SCTR: variants seen among roughly 807,000 people sequenced by gnomAD.
SCTR encodes secretin receptor, also known as pancreatic secretin receptor.
A neutral mutation model predicts 60.8 loss-of-function variants in SCTR; 56 were observed. That is an observed-to-expected ratio of 0.92 (90% CI 0.74 to 1.15). The LOEUF is 1.15. Ranked by LOEUF, SCTR falls within the 50% of genes most tolerant of loss-of-function variation. SCTR has a pLI of 0.00. For synonymous variants in SCTR, 202 were observed against 217.0 expected (o/e 0.93, Z 0.61); for missense variants, 562 against 550.4 (o/e 1.02, Z -0.21).
intron 4 of SCTR, among the ~76,000 whole-genome samples, chr2:119,471,334 T>A (rs1253924129): frequency 6.8e-6 from 1 of 147,274 alleles, no homozygotes; most frequent in South Asian, 2.1e-4. Context: ...ATGATAGAAC[T>A]GTTCCTCTGC....
chr2:119,515,677 G>C (rs1558883887), intron 1 of SCTR, among the ~76,000 whole-genome samples: 1 of 152,098 alleles, frequency 6.6e-6, no homozygotes, highest in Non-Finnish European at 1.5e-5. Flanking sequence ...TTGCACAAGT[G>C]GTCCCCCCAT....
At chr2:119,483,031 A>ATTCAG (rs1489026397) in intron 2 of SCTR, among the ~76,000 whole-genome samples, 1 of 152,212 alleles carries the variant, frequency 6.6e-6, no homozygotes, top group Non-Finnish European at 1.5e-5. Flanking sequence ...GGAAAAACAG[A>ATTCAG]TTCAGTGCTG....
At chr2:119,462,695 C>T (rs1360845522) in intron 6 of SCTR, among the ~76,000 whole-genome samples, 1 of 152,232 alleles carries the variant, frequency 6.6e-6, no homozygotes, top group East Asian at 1.9e-4. Context: ...TTGTCCTTTT[C>T]TTTGCATTGG....
chr2:119,447,861 C>T (rs1229888328), intron 10 of SCTR, among the ~76,000 whole-genome samples: 1 of 152,200 alleles, frequency 6.6e-6, no homozygotes. Flanking sequence ...TGTGAGCCAC[C>T]GCGCCTGGAT....
chr2:119,451,091 G>A (rs1683147586), intron 9 of SCTR, among the ~76,000 whole-genome samples: 1 of 152,222 alleles, frequency 6.6e-6, no homozygotes, highest in South Asian at 2.1e-4. Context: ...ATGCCACCCA[G>A]GCAGCTACTG....
chr2:119,447,908 A>G (rs1682994529), intron 10 of SCTR, among the ~76,000 whole-genome samples: 1 of 152,200 alleles, frequency 6.6e-6, no homozygotes, highest in Admixed American at 6.5e-5. Flanking sequence ...GGGCTGAATT[A>G]TGTCCACACC....
intron 11 of SCTR, among the ~76,000 whole-genome samples, chr2:119,445,092 G>A (rs1426407421): frequency 6.6e-6 from 1 of 151,762 alleles, no homozygotes; most frequent in Admixed American, 6.6e-5. Context: ...CTCTTGGCAA[G>A]ACATTTTCCT....
chr2:119,503,158 C>CAAAAA (rs61479294), intron 1 of SCTR, among the ~76,000 whole-genome samples: 2 of 69,574 alleles, frequency 2.9e-5, no homozygotes, highest in African/African-American at 4.5e-5. Flanking sequence ...GACTCCATCT[C>CAAAAA]AAAAAAAAAA....
intron 10 of SCTR, among the ~76,000 whole-genome samples, chr2:119,447,764 G>C (rs1285029380): frequency 6.6e-6 from 1 of 152,132 alleles, no homozygotes; most frequent in Non-Finnish European, 1.5e-5. Context: ...CAAAGACGAG[G>C]TTTCACCATC....
At chr2:119,501,144 C>T (rs1678536273) in intron 1 of SCTR, among the ~76,000 whole-genome samples, 1 of 152,226 alleles carries the variant, frequency 6.6e-6, no homozygotes, top group African/African-American at 2.4e-5. Context: ...GGCATCGTGG[C>T]TCATGCCTGT....
intron 11 of SCTR, among the ~76,000 whole-genome samples, chr2:119,443,002 G>A (rs901344535): frequency 6.6e-6 from 1 of 152,152 alleles, no homozygotes; most frequent in Non-Finnish European, 1.5e-5. Flanking sequence ...CCTCACAAGC[G>A]AGGGAACTGA....
intron 2 of SCTR, chr2:119,479,195 A>G (rs1487508987): frequency 2.9e-6 from 3 of 1,024,638 alleles, no homozygotes; most frequent in Non-Finnish European, 3.6e-6. Context: ...GCCCTCTCCT[A>G]TAAGCTTTGC....
chr2:119,448,360 G>A (rs557854124), intron 10 of SCTR, among the ~76,000 whole-genome samples: 1 of 152,304 alleles, frequency 6.6e-6, no homozygotes, highest in South Asian at 2.1e-4. Flanking sequence ...ATCCTCCTCT[G>A]AAAATACACA....
chr2:119,501,580 G>C (rs1238988015), intron 1 of SCTR, among the ~76,000 whole-genome samples: 1 of 152,132 alleles, frequency 6.6e-6, no homozygotes, highest in Non-Finnish European at 1.5e-5. Flanking sequence ...GGAGATGATA[G>C]TTAGCAATAA....
intron 1 of SCTR, among the ~76,000 whole-genome samples, chr2:119,506,202 C>A (rs140176072): frequency 3.9e-5 from 6 of 152,262 alleles, no homozygotes; most frequent in Non-Finnish European, 7.4e-5. Flanking sequence ...AAAACCTGTT[C>A]ATAAATATTT....
intron 7 of SCTR, among the ~76,000 whole-genome samples, chr2:119,460,436 G>GTGGA (rs111277760): frequency 0.24 from 35,787 of 149,346 alleles, 5,327 homozygotes; most frequent in African/African-American, 0.42. Context: ...GGGTGGGTGG[G>GTGGA]TGGATGGATG....
intron 1 of SCTR, among the ~76,000 whole-genome samples, chr2:119,504,307 A>G (rs1166789512): frequency 6.6e-6 from 1 of 152,200 alleles, no homozygotes; most frequent in Non-Finnish European, 1.5e-5. Flanking sequence ...TTAAAAGCAT[A>G]GGAGCTCAGC....
chr2:119,511,670 G>T (rs532835724), intron 1 of SCTR, among the ~76,000 whole-genome samples: 1 of 152,276 alleles, frequency 6.6e-6, no homozygotes, highest in East Asian at 1.9e-4. Flanking sequence ...TCTGGCTGTG[G>T]TTTGGGGTGC....
chr2:119,523,542 G>C (rs1387425452), intron 1 of SCTR, among the ~76,000 whole-genome samples: 1 of 151,716 alleles, frequency 6.6e-6, no homozygotes, highest in Non-Finnish European at 1.5e-5. Flanking sequence ...CACACGAGAC[G>C]GTGTGGGGAG....
Sources: allele counts gnomAD v4.1 joint callset (sites outside exome capture counted in the v4.1 genomes callset), GRCh38; gene constraint gnomAD v4.1.1; transcripts MANE v1.5; gene names NCBI Gene and HGNC (gene_info 2026-07-23, HGNC 2026-07-21).